Variants in CNTN3 observed in about 807,000 individuals in gnomAD.
CNTN3 encodes the protein contactin 3.
A neutral mutation model predicts 119.1 loss-of-function variants in CNTN3; 60 were observed. The observed-to-expected ratio is 0.50, with a 90% confidence interval of 0.41 to 0.62. The LOEUF is 0.62. CNTN3 is among the 20% of genes least tolerant of loss of function. The pLI, the probability that CNTN3 is intolerant of heterozygous loss-of-function variation, is 0.00. For missense variants in CNTN3, 1,101 were observed against 1,242.4 expected (o/e 0.89, Z 1.71); for synonymous variants, 450 against 438.7 (o/e 1.03, Z -0.32).
At chr3:74,390,002 C>A (rs1248238710) in intron 5 of CNTN3, among the ~76,000 whole-genome samples, 1 of 152,196 alleles carries the variant, frequency 6.6e-6, no homozygotes, top group Non-Finnish European at 1.5e-5. Flanking sequence ...CAACACTAAA[C>A]CTTTGCCTTT....
intron 4 of CNTN3, among the ~76,000 whole-genome samples, chr3:74,444,608 G>T (rs62267344): frequency 0.23 from 34,222 of 151,756 alleles, 3,925 homozygotes; most frequent in Admixed American, 0.27. Flanking sequence ...AAGCAAAGAT[G>T]CTTTGCCTTG....
intron 1 of CNTN3, among the ~76,000 whole-genome samples, chr3:74,602,460 T>C (rs1439932580): frequency 6.6e-6 from 1 of 152,078 alleles, no homozygotes; most frequent in Admixed American, 6.6e-5. Flanking sequence ...TGGTAACAGC[T>C]AATTCATGTG....
intron 19 of CNTN3, 44 bp from the exon 20 acceptor site, chr3:74,285,535 C>T: frequency 1.3e-6 from 2 of 1,545,304 alleles, no homozygotes; most frequent in Non-Finnish European, 1.7e-6. Context: ...TTAAAAAATT[C>T]TGCCCTTTCC....
chr3:74,608,351 A>AT (rs1705026860), intron 1 of CNTN3, among the ~76,000 whole-genome samples: 2 of 152,188 alleles, frequency 1.3e-5, no homozygotes. Context: ...ATAAGTAATT[A>AT]TTTATGGTTT....
At chr3:74,432,161 C>G (rs1378999995) in intron 4 of CNTN3, among the ~76,000 whole-genome samples, 1 of 152,024 alleles carries the variant, frequency 6.6e-6, no homozygotes, top group Non-Finnish European at 1.5e-5. Context: ...AGAATCAGGT[C>G]GCTGCCAATA....
Position 74,285,465 on chromosome 3 carries a change from C to T in CNTN3, c.2544G>A (p.Lys848=), listed in dbSNP as rs542742446. The part of the protein sequence containing the change: ...YEVRYWNGGG[K]EESSSKMKVA... ...CTTTCATCTTACTGGATGATTCCTC[C>T]TTTCCACCCCCATTCCAGTACCGCA... The change falls in exon 20 of 23, where the codon AAG becomes AAA. Residue 848 remains lysine, a synonymous_variant. Transcript: ENST00000263665. The T allele has an allele frequency of 9.3e-6, 15 of 1,612,212 alleles. No individual in the cohort carries two copies. In the South Asian group the frequency reaches 1.7e-4, roughly 18 times the overall value.
At chr3:74,493,679 A>G (rs1020160310) in intron 3 of CNTN3, among the ~76,000 whole-genome samples, 1 of 152,190 alleles carries the variant, frequency 6.6e-6, no homozygotes, top group Non-Finnish European at 1.5e-5. Flanking sequence ...TTTCAAGTTA[A>G]TAAGCAAATG....
intron 4 of CNTN3, among the ~76,000 whole-genome samples, chr3:74,430,876 C>A (rs923267760): frequency 6.6e-6 from 1 of 152,090 alleles, no homozygotes; most frequent in South Asian, 2.1e-4. Context: ...CTTTTATTTT[C>A]TCTTCCCCCA....
At chr3:74,440,335 C>A (rs1701941166) in intron 4 of CNTN3, among the ~76,000 whole-genome samples, 1 of 152,064 alleles carries the variant, frequency 6.6e-6, no homozygotes, top group African/African-American at 2.4e-5. Flanking sequence ...CTCTCTTATA[C>A]CCCTATATTA....
At chr3:74,587,124 A>AG (rs963441195) in intron 1 of CNTN3, among the ~76,000 whole-genome samples, 43 of 151,820 alleles carry the variant, frequency 2.8e-4, no homozygotes, top group African/African-American at 9.9e-4. Flanking sequence ...ATTTCCATGG[A>AG]GGGGAAAAAA....
chr3:74,437,514 C>A (rs745552801), intron 4 of CNTN3, among the ~76,000 whole-genome samples: 6 of 151,984 alleles, frequency 3.9e-5, no homozygotes, highest in Non-Finnish European at 8.8e-5. Flanking sequence ...CAGTTTTGCT[C>A]TTCTAAAGTA....
intron 4 of CNTN3, among the ~76,000 whole-genome samples, chr3:74,478,335 C>T (rs1702697459): frequency 6.6e-6 from 1 of 151,964 alleles, no homozygotes; most frequent in South Asian, 2.1e-4. Flanking sequence ...GTTCTCTGTC[C>T]CGTCCACATA....
At chr3:74,407,435 AT>A (rs372596619) in intron 5 of CNTN3, among the ~76,000 whole-genome samples, 100 of 136,466 alleles carry the variant, frequency 7.3e-4, no homozygotes, top group Middle Eastern at 3.7e-3. Flanking sequence ...CGCCTGGCTA[AT>A]TTTTTTTTTT....
chr3:74,290,695 CT>C (rs960985235), intron 19 of CNTN3, among the ~76,000 whole-genome samples: 1 of 151,838 alleles, frequency 6.6e-6, no homozygotes, highest in Non-Finnish European at 1.5e-5. Context: ...CATTTATTTT[CT>C]TTTTTTCTTT....
At chr3:74,512,368 G>T (rs1346015493) in intron 2 of CNTN3, among the ~76,000 whole-genome samples, 2 of 152,042 alleles carry the variant, frequency 1.3e-5, no homozygotes, top group Non-Finnish European at 2.9e-5. Context: ...TTAAGTCTGA[G>T]ACAAAAGGTT....
chr3:74,460,701 T>C (rs1361692858), intron 4 of CNTN3, among the ~76,000 whole-genome samples: 1 of 145,372 alleles, frequency 6.9e-6, no homozygotes, highest in Non-Finnish European at 1.5e-5. Flanking sequence ...GATTTTACAG[T>C]TATCCTCTAA....
At chr3:74,366,160 A>G (rs1704179908) in intron 8 of CNTN3, among the ~76,000 whole-genome samples, 1 of 152,122 alleles carries the variant, frequency 6.6e-6, no homozygotes, top group African/African-American at 2.4e-5. Context: ...AAACTGCTAC[A>G]GCCGAGGAAA....
intron 1 of CNTN3, among the ~76,000 whole-genome samples, chr3:74,586,403 GAATT>G (rs1378231156): frequency 1.3e-5 from 2 of 152,090 alleles, no homozygotes; most frequent in African/African-American, 4.8e-5. Context: ...CTCATTTGTA[GAATT>G]AATACGCCTT....
intron 5 of CNTN3, among the ~76,000 whole-genome samples, chr3:74,410,232 C>T (rs1013336995): frequency 6.6e-6 from 1 of 152,174 alleles, no homozygotes; most frequent in African/African-American, 2.4e-5. Context: ...GACTGTCCAA[C>T]CCCTGCCCTC....
Sources: gnomAD v4.1 joint callset for allele counts (sites outside exome capture counted in the v4.1 genomes callset) on GRCh38, gnomAD v4.1.1 for gene constraint, MANE v1.5 for transcripts, NCBI Gene and HGNC (gene_info 2026-07-23, HGNC 2026-07-21) for gene names.